Variants in SRGAP1 observed in about 807,000 individuals in gnomAD.
SRGAP1 encodes SLIT-ROBO Rho GTPase-activating protein 1.
SRGAP1 carries 43 observed loss-of-function variants against 121.9 expected under a neutral mutation model. That is an observed-to-expected ratio of 0.35 (90% CI 0.28 to 0.46). SRGAP1 has a LOEUF of 0.46. Ranked by LOEUF, SRGAP1 falls within the 20% of genes least tolerant of loss-of-function variation. The pLI is 1.00. For missense variants in SRGAP1, 1,102 were observed against 1,350.9 expected (o/e 0.82, Z 2.89); for synonymous variants, 447 against 485.4 (o/e 0.92, Z 1.04).
At chr12:63,892,880 T>C (rs2136298375) in intron 1 of SRGAP1, among the ~76,000 whole-genome samples, 1 of 150,158 alleles carries the variant, frequency 6.7e-6, no homozygotes, top group Admixed American at 6.6e-5. Flanking sequence ...TTAAAACTAC[T>C]GTGCTAAAAA....
At chr12:64,028,867 G>A (rs1351355198) in intron 4 of SRGAP1, among the ~76,000 whole-genome samples, 3 of 152,146 alleles carry the variant, frequency 2.0e-5, no homozygotes, top group Non-Finnish European at 2.9e-5. Context: ...ATAGAAGAGT[G>A]GGGTACTTTA....
At chr12:64,044,674 C>CTTTTCTTTTTTTTTTTTTTTTTT (rs2035090144) in intron 6 of SRGAP1, among the ~76,000 whole-genome samples, 1 of 72,118 alleles carries the variant, frequency 1.4e-5, no homozygotes, top group Non-Finnish European at 2.9e-5. Context: ...TGATGTGCCT[C>CTTTTCTTTTTTTTTTTTTTTTTT]TTTTTTTTTT....
chr12:64,073,103 CT>C (rs1440732744), intron 8 of SRGAP1, among the ~76,000 whole-genome samples: 2 of 152,096 alleles, frequency 1.3e-5, no homozygotes, highest in Admixed American at 6.5e-5. Flanking sequence ...ATGTTCCCCC[CT>C]GAGACTTATT....
intron 1 of SRGAP1, among the ~76,000 whole-genome samples, chr12:63,867,058 C>G (rs11175190): frequency 0.042 from 6,393 of 152,044 alleles, 485 homozygotes; most frequent in African/African-American, 0.15. Flanking sequence ...GCCGTGTTGC[C>G]CACGGTGGTC....
intron 1 of SRGAP1, among the ~76,000 whole-genome samples, chr12:63,877,801 T>G (rs991448891): frequency 5.9e-5 from 9 of 152,206 alleles, no homozygotes; most frequent in Admixed American, 5.2e-4. Flanking sequence ...CTAGTCAGGT[T>G]ACTGAATCTT....
intron 12 of SRGAP1, among the ~76,000 whole-genome samples, chr12:64,092,461 CATACATAT>C (rs1255690627): frequency 4.9e-5 from 7 of 141,762 alleles, no homozygotes; most frequent in Admixed American, 3.6e-4. Flanking sequence ...TAAGGACATA[CATACATAT>C]ATACATACAT....
chr12:64,104,960 G>A (rs1194506315), intron 15 of SRGAP1, among the ~76,000 whole-genome samples: 1 of 151,498 alleles, frequency 6.6e-6, no homozygotes, highest in Non-Finnish European at 1.5e-5. Flanking sequence ...TGTACAGTTC[G>A]GTGGCATTAA....
chr12:64,127,849 G>A lies in SRGAP1; in HGVS notation c.2541-12G>A. On this transcript the variant is annotated splice_polypyrimidine_tract_variant and intron_variant, in intron 20 of 21. Transcript: ENST00000355086. ...GCTCTTCTGTTTTCTCCCTGTTTCT[G>A]TGAATGTCTAGGCAACGAAAAAGAG... is the stretch of plus-strand genomic sequence containing the variant. 1 of 1,604,502 alleles carries A rather than the reference G, an allele frequency of 6.2e-7. No individual in the cohort carries two copies. Among genetic ancestry groups the A allele is most frequent in the Non-Finnish European group, 8.5e-7 (1 of 1,174,258 alleles).
At chr12:63,885,995 ATCTG>A (rs1900368940) in intron 1 of SRGAP1, among the ~76,000 whole-genome samples, 1 of 152,242 alleles carries the variant, frequency 6.6e-6, no homozygotes. Flanking sequence ...TGTTCAGGAA[ATCTG>A]TCTGGCTCAT....
intron 1 of SRGAP1, among the ~76,000 whole-genome samples, chr12:63,970,408 C>T (rs537819806): frequency 6.6e-6 from 1 of 152,214 alleles, no homozygotes; most frequent in Non-Finnish European, 1.5e-5. Context: ...CTAATCATAT[C>T]TGAGACCTTA....
At chr12:63,936,272 A>G (rs1371888260) in intron 1 of SRGAP1, among the ~76,000 whole-genome samples, 4 of 152,162 alleles carry the variant, frequency 2.6e-5, no homozygotes, top group Non-Finnish European at 5.9e-5. Flanking sequence ...ATAATACCAT[A>G]ATAATGATGA....
intron 1 of SRGAP1, among the ~76,000 whole-genome samples, chr12:63,868,068 TTTTTTTTTTTGTTTTTTTTTTTTTG>T (rs1565927684): frequency 3.4e-4 from 34 of 99,744 alleles, no homozygotes; most frequent in African/African-American, 1.3e-3. Context: ...TTTTTTTTTT[TTTTTTTTTTTGTTTTTTTTTTTTTG>T]TTTTTTGAGA....
chr12:64,089,674 C>T (rs1264949200), intron 11 of SRGAP1, among the ~76,000 whole-genome samples: 1 of 152,208 alleles, frequency 6.6e-6, no homozygotes, highest in African/African-American at 2.4e-5. Context: ...GAAATTTCAT[C>T]CGTGGCAGGA....
chr12:63,850,231 A>G (rs1351260108), intron 1 of SRGAP1, among the ~76,000 whole-genome samples: 3 of 152,276 alleles, frequency 2.0e-5, no homozygotes, highest in East Asian at 3.9e-4. Context: ...TTCAGAATAT[A>G]TTAAGGGATA....
At chr12:64,065,083 T>C in intron 7 of SRGAP1, 35 bp from the exon 8 acceptor site, 1 of 1,535,782 alleles carries the variant, frequency 6.5e-7, no homozygotes, top group Non-Finnish European at 8.9e-7. Context: ...GGGTTGATGG[T>C]GCCCTGTTGT....
intron 16 of SRGAP1, 120 bp downstream of exon 16, chr12:64,109,157 T>G (rs977652277): frequency 1.7e-6 from 1 of 578,062 alleles, no homozygotes; most frequent in East Asian, 3.0e-5. Context: ...TGATTGAATA[T>G]ACATTGAAAA....
At position 63,844,743 on chromosome 12, in the gene SRGAP1, C is replaced by T. The variant is rs1032309958; in HGVS notation, c.-74C>T. On this transcript the variant is annotated 5_prime_UTR_variant, in exon 1 of 22. Coordinates refer to ENST00000355086, the MANE Select transcript of SRGAP1 (RefSeq NM_020762.4). The surrounding 1 kb of genome is among the most constrained non-coding windows in gnomAD (Gnocchi z 4.3). ...GCCTGCGTGTGGGAGTACAACTCTGCCTCTCCAAGGAGAACGGGTTGTGAC... is the reference window on the plus strand; with the variant it reads ...GCCTGCGTGTGGGAGTACAACTCTGTCTCTCCAAGGAGAACGGGTTGTGAC... The T allele has an allele frequency of 2.7e-6, 4 of 1,457,840 alleles. No homozygotes were observed. In the African/African-American group the frequency reaches 5.6e-5, roughly 20 times the overall value. The allele number at this position is 1,457,840 out of a possible 1,614,324, so 90.3% of individuals were successfully genotyped here.
rs564678944 is a variant in SRGAP1 at position 63,992,333 on chromosome 12, C to T, written c.426+2261C>T. On this transcript the variant is annotated intron_variant, in intron 3 of 21. Coordinates refer to ENST00000355086, the MANE Select transcript of SRGAP1 (RefSeq NM_020762.4). Reference sequence around the variant, plus strand: ...CCCTTCTGCATACTTGCTTTGTGATCTTGGGAGATCATTCCAGAGATTCAA... The same window carrying T: ...CCCTTCTGCATACTTGCTTTGTGATTTTGGGAGATCATTCCAGAGATTCAA... Among the ~76,000 whole-genome samples the T allele has an allele frequency of 2.6e-5, 4 of 152,274 alleles. No individual in the cohort carries two copies. The South Asian group carries it at 8.3e-4, about 32-fold the overall frequency.
At chr12:63,947,149 A>C (rs893955112) in intron 1 of SRGAP1, among the ~76,000 whole-genome samples, 5 of 152,204 alleles carry the variant, frequency 3.3e-5, no homozygotes, top group Non-Finnish European at 5.9e-5. Context: ...TCTCTTAGGT[A>C]CTTAGGAGTA....
Sources: gnomAD v4.1 joint callset for allele counts (sites outside exome capture counted in the v4.1 genomes callset) on GRCh38, gnomAD v4.1.1 for gene constraint, Gnocchi (gnomAD v3.1) non-coding constraint, MANE v1.5 for transcripts, NCBI Gene and HGNC (gene_info 2026-07-23, HGNC 2026-07-21) for gene names.